Variants in CAMTA1 observed in about 807,000 individuals in gnomAD.
CAMTA1 encodes the protein calmodulin binding transcription activator 1.
In CAMTA1, 27 loss-of-function variants were observed where a neutral mutation model predicts 170.9. The observed-to-expected ratio is 0.16, with a 90% CI of 0.12 to 0.22. The LOEUF is 0.22. Ranked by LOEUF, CAMTA1 falls within the 10% of genes least tolerant of loss-of-function variation. The pLI is 1.00. For missense variants in CAMTA1, 1,619 were observed against 2,217.2 expected, an observed-to-expected ratio of 0.73 and a Z score of 5.42; for synonymous variants, 833 against 891.5, an observed-to-expected ratio of 0.93 and a Z score of 1.17.
At chr1:7,505,356 C>T (rs755169997) in intron 6 of CAMTA1, among the ~76,000 whole-genome samples, 3 of 152,166 alleles carry the variant, frequency 2.0e-5, no homozygotes, top group Non-Finnish European at 4.4e-5. Flanking sequence ...TTAGGGCCTA[C>T]CTGAGGGGTG....
chr1:7,680,244 C>A lies in CAMTA1; in HGVS notation c.2914+2511C>A. Reference sequence around the variant, plus strand: ...AGCCTTCCGTTCCCCGCCTGTCCCTCCCGGCCCCTCCCCTCGGTCTCCGCA... The same window carrying A: ...AGCCTTCCGTTCCCCGCCTGTCCCTACCGGCCCCTCCCCTCGGTCTCCGCA... On this transcript the variant is annotated intron_variant, in intron 11 of 22. Coordinates refer to ENST00000303635, the MANE Select transcript of CAMTA1 (RefSeq NM_015215.4). The surrounding 1 kb of genome is among the most constrained non-coding windows in gnomAD (Gnocchi z 4.4). 4.2e-6 allele frequency: 1 copy of A among 240,688 alleles called. No homozygotes were observed. The highest frequency in any genetic ancestry group is 3.4e-5 in the South Asian group (1 of 29,304). The allele number at this position is 240,688 out of a possible 1,614,324, so 14.9% of individuals were successfully genotyped here. A position where few individuals can be genotyped will look rare whatever the true frequency, so the allele number is the denominator to read the frequency against.
At chr1:6,945,425 TG>T (rs1687406197) in intron 3 of CAMTA1, among the ~76,000 whole-genome samples, 2 of 152,128 alleles carry the variant, frequency 1.3e-5, no homozygotes, top group Non-Finnish European at 2.9e-5. Flanking sequence ...CACGGCTCAC[TG>T]CAGTCTCAAC....
intron 1 of CAMTA1, among the ~76,000 whole-genome samples, chr1:6,796,904 C>T (rs1198027674): frequency 6.6e-6 from 1 of 152,208 alleles, no homozygotes; most frequent in East Asian, 1.9e-4. Context: ...TTTATTTTCT[C>T]TACTTTCGTG....
intron 5 of CAMTA1, among the ~76,000 whole-genome samples, chr1:7,378,011 G>A (rs535454520): frequency 9.9e-5 from 15 of 152,266 alleles, no homozygotes; most frequent in Non-Finnish European, 1.3e-4. Context: ...AGACTATGGC[G>A]GAATCAAGAA....
intron 5 of CAMTA1, among the ~76,000 whole-genome samples, chr1:7,336,246 C>T (rs1465210185): frequency 6.6e-6 from 1 of 152,220 alleles, no homozygotes; most frequent in Admixed American, 6.5e-5. Flanking sequence ...CTGGCTGTGG[C>T]CTGGGGCTGT....
At chr1:7,258,929 C>T (rs1202105340) in intron 5 of CAMTA1, among the ~76,000 whole-genome samples, 1 of 152,154 alleles carries the variant, frequency 6.6e-6, no homozygotes, top group Admixed American at 6.5e-5. Context: ...TAAGTAGGCT[C>T]ATACCACTCT....
rs538157524 is a variant in CAMTA1, at chr1:7,680,914, C to A, written c.2914+3181C>A. Among the ~76,000 whole-genome samples the A allele has an allele frequency of 9.1e-5, 13 of 142,256 alleles. No homozygotes were observed. The highest frequency in any genetic ancestry group is 1.9e-4 in the Non-Finnish European group (12 of 62,848). 93.3% of individuals were successfully genotyped at this position (142,256 alleles called of 152,430 possible). On this transcript the variant is annotated intron_variant, in intron 11 of 22. Coordinates refer to ENST00000303635, the MANE Select transcript of CAMTA1 (RefSeq NM_015215.4). This position sits in a 1 kb window ranked among gnomAD's most constrained non-coding sequence, Gnocchi z 4.4. ...CGGCGAAGTCTTTGTCCCCGCGGCG[C>A]AGCCTTTGTCCCCGCGGCGTAGCTT... is the stretch of plus-strand genomic sequence containing the variant.
intron 6 of CAMTA1, among the ~76,000 whole-genome samples, chr1:7,550,826 GC>G (rs59909650): frequency 0.45 from 61,115 of 137,130 alleles, 14,339 homozygotes; most frequent in Admixed American, 0.54. Flanking sequence ...CTACCACCCG[GC>G]CCCCTCACCT....
chr1:6,820,324 G>C, intron 2 of CAMTA1, 74 bp downstream of exon 2: 1 of 1,489,790 alleles, frequency 6.7e-7, no homozygotes, highest in Non-Finnish European at 9.3e-7. Context: ...ATCTAGTACA[G>C]TGGAAACAGC....
At position 6,960,280 on chromosome 1, in the gene CAMTA1, C is replaced by T. The variant is rs76357791; in HGVS notation, c.235-131024C>T. Among the ~76,000 whole-genome samples the T allele has an allele frequency of 4.2e-3, 641 of 152,208 alleles. 8 individuals carry two copies. Among genetic ancestry groups the T allele is most frequent in the African/African-American group, 0.014 (563 of 41,512 alleles). On this transcript the variant is annotated intron_variant, in intron 3 of 22. Transcript: ENST00000303635. The stretch of plus-strand genomic sequence containing the variant: ...GGGGGCAGAGAGCAGTTAAACGAGA[C>T]GTGAGTGGAGGGGGCCAGATGGAGG...
At chr1:7,042,950 A>G (rs1449353989) in intron 3 of CAMTA1, among the ~76,000 whole-genome samples, 2 of 152,204 alleles carry the variant, frequency 1.3e-5, no homozygotes, top group Non-Finnish European at 2.9e-5. Flanking sequence ...AGAGTCTTCA[A>G]TGTGTGGTTG....
intron 3 of CAMTA1, among the ~76,000 whole-genome samples, chr1:6,844,690 CAAAAA>C (rs1180942073): frequency 6.2e-4 from 32 of 52,022 alleles, no homozygotes; most frequent in African/African-American, 2.5e-4. Flanking sequence ...ACCCTGTGTC[CAAAAA>C]AAAAAAAAAA....
chr1:7,246,410 A>C (rs1574170311), intron 4 of CAMTA1, among the ~76,000 whole-genome samples: 1 of 152,198 alleles, frequency 6.6e-6, no homozygotes, highest in Non-Finnish European at 1.5e-5. Flanking sequence ...ATCAACAATA[A>C]CTGGAAGTGG....
At chr1:7,466,827 GC>G (rs2093222170) in intron 5 of CAMTA1, among the ~76,000 whole-genome samples, 2 of 152,222 alleles carry the variant, frequency 1.3e-5, no homozygotes, top group Middle Eastern at 3.4e-3. Flanking sequence ...TTTGGTGGGG[GC>G]CCCCATCACT....
At chr1:7,290,126 A>G (rs1297483271) in intron 5 of CAMTA1, among the ~76,000 whole-genome samples, 1 of 152,210 alleles carries the variant, frequency 6.6e-6, no homozygotes, top group African/African-American at 2.4e-5. Flanking sequence ...ATTGGAAAAT[A>G]CTGGGAATTG....
At chr1:7,372,748 A>G (rs1260941279) in intron 5 of CAMTA1, among the ~76,000 whole-genome samples, 1 of 152,208 alleles carries the variant, frequency 6.6e-6, no homozygotes. Context: ...ACCCTGTCGC[A>G]CAGAAGTGAT....
intron 6 of CAMTA1, among the ~76,000 whole-genome samples, chr1:7,469,131 C>T (rs1271582194): frequency 1.3e-5 from 2 of 152,190 alleles, no homozygotes; most frequent in South Asian, 2.1e-4. Context: ...CGAGACCATC[C>T]GGGGACGTGC....
chr1:6,882,670 T>A lies in CAMTA1; in HGVS notation c.234+57460T>A, dbSNP rs529901563. Among the ~76,000 whole-genome samples, 55 of 152,214 alleles carry A rather than the reference T, an allele frequency of 3.6e-4. No individual in the cohort carries two copies. In the South Asian group the frequency reaches 0.011, roughly 31 times the overall value. ...AGATGTTCAATAGGCAGTCGTATGT[T>A]TGAGTTTGTAACTTCAAGGAGAGGC... is the stretch of plus-strand genomic sequence containing the variant. On this transcript the variant is annotated intron_variant, in intron 3 of 22. Coordinates refer to ENST00000303635, the MANE Select transcript of CAMTA1 (RefSeq NM_015215.4).
At chr1:7,241,297 TG>T (rs1374406993) in intron 4 of CAMTA1, among the ~76,000 whole-genome samples, 1 of 152,232 alleles carries the variant, frequency 6.6e-6, no homozygotes, top group Non-Finnish European at 1.5e-5. Context: ...CGGATTTACC[TG>T]GGTAGAAAGA....
Sources: gnomAD v4.1 joint callset for allele counts (sites outside exome capture counted in the v4.1 genomes callset) on GRCh38, gnomAD v4.1.1 for gene constraint, Gnocchi (gnomAD v3.1) non-coding constraint, MANE v1.5 for transcripts, NCBI Gene and HGNC (gene_info 2026-07-23, HGNC 2026-07-21) for gene names.